Variants in GINM1 observed in about 807,000 individuals in gnomAD.
GINM1 encodes the protein glycoprotein integral membrane protein 1.
Under a neutral mutation model 37.8 loss-of-function variants are expected in GINM1, and 29 were observed. That is an observed-to-expected ratio of 0.77 (90% CI 0.57 to 1.05). GINM1 has a LOEUF of 1.05. GINM1 is among the 50% of genes least tolerant of loss of function. GINM1 has a pLI of 0.00. For synonymous variants in GINM1, 143 were observed against 146.2 expected (o/e 0.98, Z 0.16); for missense variants, 377 against 397.9 (o/e 0.95, Z 0.45).
Position 149,591,069 on chromosome 6 carries a change from C to T in GINM1, c.*231C>T, listed in dbSNP as rs1358608462. The T allele has an allele frequency of 1.0e-5, 4 of 394,060 alleles. No individual in the cohort carries two copies. Among genetic ancestry groups the T allele is most frequent in the Admixed American group, 4.3e-5 (1 of 23,182 alleles). The allele number at this position is 394,060 out of a possible 1,614,324, so 24.4% of individuals were successfully genotyped here. A position where few individuals can be genotyped will look rare whatever the true frequency, so the allele number is the denominator to read the frequency against. On this transcript the variant is annotated 3_prime_UTR_variant, in exon 8 of 8. Transcript: ENST00000367419. ...CAGGACTTTGGGAGGCCAATGCGGGCGGATCACGAGGTCAGATCAAGACCA... is the reference window on the plus strand; with the variant it reads ...CAGGACTTTGGGAGGCCAATGCGGGTGGATCACGAGGTCAGATCAAGACCA...
chr6:149,577,654 A>G (rs534853625), intron 3 of GINM1: 23 of 152,352 alleles, frequency 1.5e-4, no homozygotes, highest in Middle Eastern at 3.4e-3. Context: ...ATATTGAGAT[A>G]TTCCAGACAA....
Position 149,578,897 on chromosome 6 carries a change from A to C in GINM1, c.353A>C (p.Glu118Ala). 1 of 1,602,294 alleles carries C rather than the reference A, an allele frequency of 6.2e-7. No homozygotes were observed. The highest frequency in any genetic ancestry group is 8.5e-7 in the Non-Finnish European group (1 of 1,169,904). The change falls in exon 4 of 8, where the codon GAG becomes GCG. Residue 118 changes from glutamate to alanine, a missense_variant. By Grantham distance (107) the Glu-to-Ala change is moderately radical. Coordinates refer to ENST00000367419, the MANE Select transcript of GINM1 (RefSeq NM_138785.5). ...GTCAGTGTAAGGATTTTAGTTCATGAGTGGCCTATGACATCTGGTTCCAGT... is the reference window on the plus strand; with the variant it reads ...GTCAGTGTAAGGATTTTAGTTCATGCGTGGCCTATGACATCTGGTTCCAGT... ...GIVSVRILVHEWPMTSGSSLQ... is the reference protein window; with the variant it reads ...GIVSVRILVHAWPMTSGSSLQ...
At chr6:149,582,332 C>G in intron 6 of GINM1, 108 bp from the exon 7 acceptor site, 1 of 951,582 alleles carries the variant, frequency 1.1e-6, no homozygotes. Flanking sequence ...CCAGCACAAT[C>G]AAAATATAGA....
Position 149,591,046 on chromosome 6 carries a change from G to A in GINM1, c.*208G>A. ...GCAGTGGCTCATGCCTGTAATCCCA[G>A]GACTTTGGGAGGCCAATGCGGGCGG... is the stretch of plus-strand genomic sequence containing the variant. On this transcript the variant is annotated 3_prime_UTR_variant, in exon 8 of 8. Coordinates refer to ENST00000367419, the MANE Select transcript of GINM1 (RefSeq NM_138785.5). The A allele has an allele frequency of 2.2e-6, 1 of 460,596 alleles. No individual in the cohort carries two copies. The highest frequency in any genetic ancestry group is 2.9e-5 in the South Asian group (1 of 34,330). 28.5% of individuals were successfully genotyped at this position (460,596 alleles called of 1,614,324 possible).
At chr6:149,570,395 A>T (rs1777801635) in intron 1 of GINM1, among the ~76,000 whole-genome samples, 1 of 151,936 alleles carries the variant, frequency 6.6e-6, no homozygotes, top group African/African-American at 2.4e-5. Context: ...TATCAATCTC[A>T]TAGCTCATTG....
intron 7 of GINM1, among the ~76,000 whole-genome samples, chr6:149,590,474 T>C (rs1778138069): frequency 6.6e-6 from 1 of 152,196 alleles, no homozygotes; most frequent in African/African-American, 2.4e-5. Flanking sequence ...GCCTTGGAGA[T>C]CTATACTTAC....
At chr6:149,578,280 T>C (rs1309026840) in intron 3 of GINM1, 1 of 152,284 alleles carries the variant, frequency 6.6e-6, no homozygotes, top group Non-Finnish European at 1.5e-5. Flanking sequence ...CCCAGCACTT[T>C]GGGCAGCCAA....
chr6:149,570,341 A>C (rs1160302269), intron 1 of GINM1, among the ~76,000 whole-genome samples: 2 of 151,776 alleles, frequency 1.3e-5, no homozygotes, highest in Non-Finnish European at 2.9e-5. Context: ...CTAGTTTGCA[A>C]AGGAGATCCA....
chr6:149,579,880 G>A lies in GINM1; in HGVS notation c.476G>A (p.Arg159Gln), dbSNP rs202099709. The change falls in exon 5 of 8, where the codon CGG becomes CAG. Residue 159 changes from arginine (R) to glutamine (Q), a missense_variant. Arg to Gln is a conservative substitution (Grantham distance 43). Coordinates refer to ENST00000367419, the MANE Select transcript of GINM1 (RefSeq NM_138785.5). ...GAAATTGATATTTTAGTTAAGAACC[G>A]GGGAGTACTCAGACATTCAAACTAT... ...VTEIDILVKN[R>Q]GVLRHSNYTL... 90 of 1,604,770 alleles carry A rather than the reference G, an allele frequency of 5.6e-5. 1 individual carries two copies. The highest frequency in any genetic ancestry group is 2.5e-4 in the Admixed American group (15 of 59,354).
chr6:149,573,091 G>A (rs553273724), intron 3 of GINM1, among the ~76,000 whole-genome samples: 6 of 152,316 alleles, frequency 3.9e-5, no homozygotes, highest in Non-Finnish European at 8.8e-5. Context: ...GGGAGGCCGA[G>A]GTGGGCAGAT....
intron 1 of GINM1, 149 bp from the exon 2 acceptor site, chr6:149,572,136 T>C: frequency 2.4e-6 from 1 of 416,148 alleles, no homozygotes; most frequent in Non-Finnish European, 4.3e-6. Flanking sequence ...GAAAAATGGC[T>C]ATAAAATGGA....
At chr6:149,567,277 A>G (rs1458971578) in intron 1 of GINM1, among the ~76,000 whole-genome samples, 1 of 152,188 alleles carries the variant, frequency 6.6e-6, no homozygotes, top group Non-Finnish European at 1.5e-5. Context: ...AGTCGTGCCT[A>G]CCTAGGCCAG....
At chr6:149,580,078 A>T (rs927175575) in intron 5 of GINM1, 88 bp downstream of exon 5, 2 of 830,836 alleles carry the variant, frequency 2.4e-6, no homozygotes, top group Non-Finnish European at 3.6e-6. Flanking sequence ...GTTATTTTTT[A>T]CACTATTTGC....
At position 149,580,703 on chromosome 6, in the gene GINM1, G is replaced by A; in HGVS notation, c.697G>A (p.Glu233Lys). 6.2e-7 allele frequency: 1 copy of A among 1,613,780 alleles called. No individual in the cohort carries two copies. Reference sequence around the variant, plus strand: ...GTTACCTGAAACTCCTCTCAGAGCAGAGCCGCCATCTTCATATAAGGTAAA... The same window carrying A: ...GTTACCTGAAACTCCTCTCAGAGCAAAGCCGCCATCTTCATATAAGGTAAA... ...GKLPETPLRA[E>K]PPSSYKVMCQ... Residue 233 changes from glutamate to lysine, a missense_variant, in exon 6 of 8, where the codon GAG (glutamate) becomes AAG (lysine). By Grantham distance (56) the Glu-to-Lys change is moderately conservative. Transcript: ENST00000367419.
At chr6:149,589,083 C>A (rs183707336) in intron 7 of GINM1, among the ~76,000 whole-genome samples, 1 of 151,578 alleles carries the variant, frequency 6.6e-6, no homozygotes, top group Non-Finnish European at 1.5e-5. Flanking sequence ...GGATTGCAGG[C>A]GTGAGCCACC....
chr6:149,574,232 G>A (rs989489649), intron 3 of GINM1, among the ~76,000 whole-genome samples: 3 of 151,880 alleles, frequency 2.0e-5, no homozygotes, highest in Admixed American at 6.6e-5. Flanking sequence ...TGTATTTTTA[G>A]TAGAGATGGG....
In GINM1 at chr6:149,578,827, A is replaced by C; in HGVS notation, c.283A>C (p.Asn95His). 1 of 1,571,614 alleles carries C rather than the reference A, an allele frequency of 6.4e-7. No homozygotes were observed. The highest frequency in any genetic ancestry group is 1.2e-5 in the South Asian group (1 of 86,032). ...RISCQTLIVK[N>H]ENLENLEEKE... ...CACTACTTTTTTTTTTATAGTGAAG[A>C]ATGAAAATCTTGAAAATTTGGAGGA... The change falls in exon 4 of 8, where the codon AAT becomes CAT. Residue 95 changes from asparagine to histidine, a missense_variant. Coordinates refer to ENST00000367419, the MANE Select transcript of GINM1 (RefSeq NM_138785.5).
chr6:149,579,754 T>C, intron 4 of GINM1, 80 bp from the exon 5 acceptor site: 1 of 798,600 alleles, frequency 1.3e-6, no homozygotes, highest in Non-Finnish European at 1.9e-6. Context: ...TATATAAATC[T>C]GGGAGGAAAA....
chr6:149,567,522 T>A (rs1262089058), intron 1 of GINM1, among the ~76,000 whole-genome samples: 1 of 152,068 alleles, frequency 6.6e-6, no homozygotes, highest in Admixed American at 6.6e-5. Flanking sequence ...GTGCCTGTAG[T>A]CCCAGCTACT....
Sources: allele counts gnomAD v4.1 joint callset (sites outside exome capture counted in the v4.1 genomes callset), GRCh38; gene constraint gnomAD v4.1.1; transcripts MANE v1.5; gene names NCBI Gene and HGNC (gene_info 2026-07-23, HGNC 2026-07-21).